The following ARFGEF1 variants were observed in gnomAD, a reference collection of about 807,000 sequenced individuals.
ARFGEF1 encodes brefeldin A-inhibited guanine nucleotide-exchange protein 1.
ARFGEF1 carries 42 observed loss-of-function variants against 231.0 expected under a neutral mutation model. The observed-to-expected ratio is 0.18, with a 90% CI of 0.14 to 0.24. ARFGEF1 has a LOEUF of 0.24. ARFGEF1 is among the 10% of genes least tolerant of loss of function. The pLI is 1.00. For synonymous variants in ARFGEF1, 710 were observed against 732.3 expected (o/e 0.97, Z 0.49); for missense variants, 1,345 against 2,192.0 (o/e 0.61, Z 7.72).
At chr8:67,251,582 A>G (rs1840286125) in intron 18 of ARFGEF1, 132 bp from the exon 19 acceptor site, 1 of 829,178 alleles carries the variant, frequency 1.2e-6, no homozygotes, top group Non-Finnish European at 1.7e-6. Flanking sequence ...AAGAGATCCC[A>G]TATTATATGA....
At chr8:67,251,523 AAT>A in intron 18 of ARFGEF1, 73 bp from the exon 19 acceptor site, 2 of 1,337,530 alleles carry the variant, frequency 1.5e-6, no homozygotes, top group Non-Finnish European at 2.0e-6. Flanking sequence ...TTTACTATCA[AAT>A]AATAAACACC....
At chr8:67,235,088 G>A (rs1446779438) in intron 22 of ARFGEF1, among the ~76,000 whole-genome samples, 1 of 145,520 alleles carries the variant, frequency 6.9e-6, no homozygotes, top group African/African-American at 2.6e-5. Flanking sequence ...ATATATATGT[G>A]TGTGTGTGTG....
At chr8:67,204,919 A>G (rs1838457393) in intron 34 of ARFGEF1, 100 bp from the exon 35 acceptor site, 8 of 1,370,840 alleles carry the variant, frequency 5.8e-6, no homozygotes, top group South Asian at 1.3e-5. Context: ...ATCAATATGT[A>G]TTCACATATC....
chr8:67,243,651 C>A (rs1243205234), intron 19 of ARFGEF1, among the ~76,000 whole-genome samples: 1 of 152,166 alleles, frequency 6.6e-6, no homozygotes, highest in African/African-American at 2.4e-5. Flanking sequence ...TGGGTACAAA[C>A]AAGCCCAGAC....
intron 19 of ARFGEF1, among the ~76,000 whole-genome samples, chr8:67,240,631 C>A (rs1201391599): frequency 2.0e-5 from 3 of 152,152 alleles, no homozygotes; most frequent in African/African-American, 7.2e-5. Flanking sequence ...TTGTCTCTTG[C>A]AATATTTCAC....
chr8:67,181,352 T>C (rs2129571279), intron 5 of ARFGEF1, among the ~76,000 whole-genome samples: 1 of 151,310 alleles, frequency 6.6e-6, no homozygotes, highest in Non-Finnish European at 1.5e-5. Context: ...TTTTTTTTTT[T>C]TTTTTTTTTA....
intron 5 of ARFGEF1, among the ~76,000 whole-genome samples, chr8:67,185,911 A>G (rs1834449412): frequency 6.6e-6 from 1 of 152,186 alleles, no homozygotes; most frequent in Non-Finnish European, 1.5e-5. Flanking sequence ...AAAAAACAGG[A>G]AAAAACTCCT....
chr8:67,300,480 T>C (rs1806429449), intron 3 of ARFGEF1, among the ~76,000 whole-genome samples: 2 of 151,946 alleles, frequency 1.3e-5, no homozygotes. Flanking sequence ...AGCAGTTAAA[T>C]ATTAAATTAT....
At chr8:67,194,095 T>C (rs1297096560), downstream of ARFGEF1, among the ~76,000 whole-genome samples, 5 of 152,198 alleles carry the variant, frequency 3.3e-5, no homozygotes, top group Admixed American at 2.0e-4. Context: ...TTTTTGTGAC[T>C]TGCAGGTTAA....
chr8:67,222,190 T>TATATATATATATACACAC (rs1839200798), intron 29 of ARFGEF1, among the ~76,000 whole-genome samples: 4 of 134,934 alleles, frequency 3.0e-5, no homozygotes, highest in Admixed American at 7.3e-5. Context: ...CACATATATA[T>TATATATATATATACACAC]ATATATATAT....
chr8:67,297,544 C>A (rs982133463), intron 4 of ARFGEF1, among the ~76,000 whole-genome samples: 18 of 152,236 alleles, frequency 1.2e-4, no homozygotes, highest in African/African-American at 3.9e-4. Flanking sequence ...CATGCCACAG[C>A]ACTTAGCCTG....
intron 1 of ARFGEF1, among the ~76,000 whole-genome samples, chr8:67,325,062 C>G (rs1358808576): frequency 6.6e-6 from 1 of 152,036 alleles, no homozygotes; most frequent in Non-Finnish European, 1.5e-5. Context: ...TATAGGTATG[C>G]ACCACCATGC....
At chr8:67,337,575 C>G (rs1278963208) in intron 1 of ARFGEF1, among the ~76,000 whole-genome samples, 2 of 151,834 alleles carry the variant, frequency 1.3e-5, no homozygotes, top group Non-Finnish European at 2.9e-5. Context: ...CCATCTTTCT[C>G]TCTGTCTCTC....
At chr8:67,269,704 T>C (rs775419406) in intron 10 of ARFGEF1, among the ~76,000 whole-genome samples, 2 of 152,100 alleles carry the variant, frequency 1.3e-5, no homozygotes, top group Non-Finnish European at 2.9e-5. Flanking sequence ...TATATCTATA[T>C]TTATCTCATT....
intron 5 of ARFGEF1, among the ~76,000 whole-genome samples, chr8:67,186,438 C>T (rs981832192): frequency 6.8e-6 from 1 of 147,860 alleles, no homozygotes; most frequent in Non-Finnish European, 1.5e-5. Context: ...AAAAAAAAGT[C>T]CAAGAATACC....
rs1587012314 is a variant in ARFGEF1, at chr8:67,197,863, T to C, written c.*1071A>G. ...CGGAATGCTTGACAATCTTGTCTTT[T>C]AACCATCAGAGCACAATTCACAGTA... On this transcript the variant is annotated 3_prime_UTR_variant, in exon 39 of 39. Transcript: ENST00000262215. 1.0e-6 allele frequency: 1 copy of C among 985,906 alleles called. No homozygotes were observed. The highest frequency in any genetic ancestry group is 6.1e-5 in the Admixed American group (1 of 16,288). 61.1% of individuals were successfully genotyped at this position (985,906 alleles called of 1,614,324 possible).
intron 37 of ARFGEF1, 61 bp from the exon 38 acceptor site, chr8:67,200,574 G>A (rs774946921): frequency 4.5e-5 from 45 of 1,005,324 alleles, no homozygotes; most frequent in Admixed American, 1.4e-4. Flanking sequence ...CATATTCACC[G>A]AGAAAGAGCA....
intron 5 of ARFGEF1, among the ~76,000 whole-genome samples, chr8:67,180,206 A>G (rs1832681441): frequency 2.0e-5 from 3 of 152,300 alleles, no homozygotes; most frequent in African/African-American, 7.2e-5. Context: ...GATGTCCTTC[A>G]GTAGATGAAT....
chr8:67,312,017 G>C lies in ARFGEF1; in HGVS notation c.125-9551C>G, dbSNP rs186263859. Among the ~76,000 whole-genome samples, 4 of 152,206 alleles carry C rather than the reference G, an allele frequency of 2.6e-5. No individual in the cohort carries two copies. The East Asian group carries it at 7.7e-4, about 29-fold the overall frequency. On this transcript the variant is annotated intron_variant, in intron 1 of 38. Coordinates refer to ENST00000262215, the MANE Select transcript of ARFGEF1 (RefSeq NM_006421.5). ...TTAAGGGCAGTGCAAGATGTGCTTT[G>C]TTAAACAGATGCTTGAAGGCAGCAT...
Sources: allele counts gnomAD v4.1 joint callset (sites outside exome capture counted in the v4.1 genomes callset), GRCh38; gene constraint gnomAD v4.1.1; transcripts MANE v1.5; gene names NCBI Gene and HGNC (gene_info 2026-07-23, HGNC 2026-07-21).